The following GREB1 variants were observed in gnomAD, a reference collection of about 807,000 sequenced individuals.
The protein encoded by GREB1 is growth regulating estrogen receptor binding 1.
Under a neutral mutation model 200.7 loss-of-function variants are expected in GREB1, and 106 were observed. That is an observed-to-expected ratio of 0.53 (90% CI 0.45 to 0.62). The LOEUF (loss-of-function observed/expected upper bound fraction) is 0.62. Ranked by LOEUF, GREB1 falls within the 20% of genes least tolerant of loss-of-function variation. The pLI, the probability that GREB1 is intolerant of heterozygous loss-of-function variation, is 0.00. For synonymous variants in GREB1, 1,132 were observed against 1,092.4 expected (o/e 1.04, Z -0.72); for missense variants, 2,243 against 2,556.8 (o/e 0.88, Z 2.65).
At position 11,640,167 on chromosome 2, in the gene GREB1, G is replaced by C; in HGVS notation, c.5687-124G>C. 1 of 833,878 alleles carries C rather than the reference G, an allele frequency of 1.2e-6. No homozygotes were observed. The highest frequency in any genetic ancestry group is 1.8e-6 in the Non-Finnish European group (1 of 543,650). 51.7% of individuals were successfully genotyped at this position (833,878 alleles called of 1,614,324 possible). A position where few individuals can be genotyped will look rare whatever the true frequency, so the allele number is the denominator to read the frequency against. On this transcript the variant is annotated intron_variant, in intron 32 of 32. Transcript: ENST00000381486. This position sits in a 1 kb window ranked among gnomAD's most constrained non-coding sequence, Gnocchi z 4.6. ...CCCGAAAGAAGCAAGGGGCCGACTT[G>C]GATGCCGCTTCTGCCCTTCCCAACA... is the stretch of plus-strand genomic sequence containing the variant.
chr2:11,562,966 A>ATCTTTCTTTCTT (rs138902381), intron 3 of GREB1: 10 of 157,062 alleles, frequency 6.4e-5, no homozygotes, highest in African/African-American at 2.2e-4. Flanking sequence ...AGGAGGAATA[A>ATCTTTCTTTCTT]TCTTTCTTTC....
intron 7 of GREB1, chr2:11,581,192 A>C (rs1679441252): frequency 1.7e-6 from 1 of 574,268 alleles, no homozygotes; most frequent in South Asian, 2.3e-5. Context: ...AAAAATATGA[A>C]TTCAAAACCT....
At chr2:11,503,855 A>G (rs374643603) in intron 1 of GREB1, among the ~76,000 whole-genome samples, 637 of 7,078 alleles carry the variant, frequency 0.09, 2 homozygotes, top group African/African-American at 0.11. Context: ...CATTCCAGTA[A>G]TTCCCCCTTG....
chr2:11,639,813 G>C (rs750036315), intron 32 of GREB1, among the ~76,000 whole-genome samples: 9 of 152,190 alleles, frequency 5.9e-5, no homozygotes, highest in Non-Finnish European at 1.2e-4. Flanking sequence ...GGACAGTGTG[G>C]AGGAGACTGG....
chr2:11,632,778 A>G, intron 27 of GREB1, 111 bp from the exon 28 acceptor site: 1 of 791,028 alleles, frequency 1.3e-6, no homozygotes. Context: ...CATGTCAGGA[A>G]GGTCGGGGCT....
At chr2:11,636,663 A>G (rs13013185) in intron 30 of GREB1, among the ~76,000 whole-genome samples, 36,170 of 151,964 alleles carry the variant, frequency 0.24, 4,640 homozygotes, top group East Asian at 0.4. Flanking sequence ...GGGAGTCCCC[A>G]GGGAAGTGAT....
intron 13 of GREB1, among the ~76,000 whole-genome samples, chr2:11,596,881 C>T (rs1471140637): frequency 1.0e-4 from 6 of 59,774 alleles, no homozygotes; most frequent in African/African-American, 4.2e-4. Context: ...GTGGGGGCAC[C>T]GGTGTGTACA....
In GREB1 at chr2:11,633,425, G is replaced by C. The variant is rs778091287; in HGVS notation, c.4991+362G>C. On this transcript the variant is annotated intron_variant, in intron 28 of 32. Transcript: ENST00000381486. The surrounding 1 kb of genome is among the most constrained non-coding windows in gnomAD (Gnocchi z 4.1). ...AAAATACAAAAAAATTTAGCTGGGCGTGGTGGCGGGCGCCTGTAGTCCCAG... is the reference window on the plus strand; with the variant it reads ...AAAATACAAAAAAATTTAGCTGGGCCTGGTGGCGGGCGCCTGTAGTCCCAG... 6.6e-6 allele frequency among the ~76,000 whole-genome samples: 1 copy of C among 151,958 alleles called. No homozygotes were observed. Among genetic ancestry groups the C allele is most frequent in the African/African-American group, 2.4e-5 (1 of 41,338 alleles).
chr2:11,579,066 C>T (rs535347213), intron 6 of GREB1, among the ~76,000 whole-genome samples: 17 of 152,300 alleles, frequency 1.1e-4, no homozygotes, highest in African/African-American at 1.7e-4. Context: ...CCAGCCTTCC[C>T]GAGGACGCAG....
At chr2:11,529,961 T>C (rs1674009994), upstream of GREB1, among the ~76,000 whole-genome samples, 2 of 152,218 alleles carry the variant, frequency 1.3e-5, no homozygotes, top group Admixed American at 6.5e-5. Context: ...TAAATTGGCT[T>C]GTCAGAAATG....
chr2:11,573,327 T>A (rs537912818), intron 4 of GREB1, among the ~76,000 whole-genome samples: 28 of 152,262 alleles, frequency 1.8e-4, no homozygotes, highest in Admixed American at 9.1e-4. Flanking sequence ...AAGAGTCGTG[T>A]TTAAGATGGA....
chr2:11,521,002 T>C (rs1056500081), intron 1 of GREB1, among the ~76,000 whole-genome samples: 23 of 152,324 alleles, frequency 1.5e-4, no homozygotes, highest in African/African-American at 4.8e-4. Context: ...AGAATTCTTA[T>C]GCCCTCTGCC....
chr2:11,502,765 T>C (rs983219010), intron 1 of GREB1, among the ~76,000 whole-genome samples: 2 of 152,210 alleles, frequency 1.3e-5, no homozygotes, highest in African/African-American at 4.8e-5. Flanking sequence ...CCTACATCTA[T>C]TTTATATGTT....
At chr2:11,546,163 C>G (rs553058795) in intron 1 of GREB1, among the ~76,000 whole-genome samples, 6 of 148,060 alleles carry the variant, frequency 4.1e-5, no homozygotes, top group Non-Finnish European at 7.5e-5. Flanking sequence ...GGTGACAGAG[C>G]GAGATTCCGT....
intron 1 of GREB1, among the ~76,000 whole-genome samples, chr2:11,508,080 A>G (rs75168872): frequency 0.02 from 2,991 of 152,258 alleles, 116 homozygotes; most frequent in African/African-American, 0.069. Context: ...CATTTCGCCT[A>G]TGGTAGAGGT....
intron 1 of GREB1, among the ~76,000 whole-genome samples, chr2:11,487,610 C>G (rs1232671312): frequency 6.6e-6 from 1 of 152,150 alleles, no homozygotes; most frequent in African/African-American, 2.4e-5. Context: ...CCAACTGATT[C>G]CGATAACTTC....
chr2:11,548,352 ACC>A lies in GREB1; in HGVS notation c.-161-8099_-161-8098del, dbSNP rs201163798. Among the ~76,000 whole-genome samples, 2,051 of 145,362 alleles carry A rather than the reference ACC, an allele frequency of 0.014. 25 individuals are homozygous for A. The highest frequency in any genetic ancestry group is 0.034 in the Middle Eastern group (10 of 292). ...CCCAGACACGTGCACACATGCATAT[ACC>A]CCAACACAGATGCACACACATACAC... On this transcript the variant is annotated intron_variant, in intron 1 of 32. Coordinates refer to ENST00000381486, the MANE Select transcript of GREB1 (RefSeq NM_014668.4). This position sits in a 1 kb window ranked among gnomAD's most constrained non-coding sequence, Gnocchi z 5.1.
intron 17 of GREB1, among the ~76,000 whole-genome samples, chr2:11,605,877 G>A (rs34532804): frequency 0.34 from 51,160 of 152,034 alleles, 10,588 homozygotes; most frequent in East Asian, 0.51. Context: ...GTTGTTTTTC[G>A]GTTTTGGCTA....
intron 17 of GREB1, among the ~76,000 whole-genome samples, chr2:11,605,090 A>G (rs569562656): frequency 2.7e-4 from 35 of 131,528 alleles, no homozygotes; most frequent in African/African-American, 9.2e-4. Context: ...GCTAGGGTAC[A>G]TTTCTGTGCC....
Sources: allele counts gnomAD v4.1 joint callset (sites outside exome capture counted in the v4.1 genomes callset), GRCh38; gene constraint gnomAD v4.1.1; non-coding constraint Gnocchi (gnomAD v3.1); transcripts MANE v1.5; gene names NCBI Gene and HGNC (gene_info 2026-07-23, HGNC 2026-07-21).